ZBTB40: variants seen among roughly 807,000 people sequenced by gnomAD.
ZBTB40 encodes the protein zinc finger and BTB domain containing 40, also known as zinc finger and BTB domain-containing protein 40.
Under a neutral mutation model 117.5 loss-of-function variants are expected in ZBTB40, and 60 were observed. The observed-to-expected ratio is 0.51, with a 90% confidence interval of 0.41 to 0.63. ZBTB40 has a LOEUF of 0.63. ZBTB40 is among the 30% of genes least tolerant of loss of function. The pLI, the probability that ZBTB40 is intolerant of heterozygous loss-of-function variation, is 0.00. For synonymous variants in ZBTB40, 525 were observed against 577.1 expected (o/e 0.91, Z 1.29); for missense variants, 1,287 against 1,498.5 (o/e 0.86, Z 2.33).
intron 1 of ZBTB40, among the ~76,000 whole-genome samples, chr1:22,485,744 T>C (rs1271787232): frequency 6.6e-6 from 1 of 152,210 alleles, no homozygotes; most frequent in Non-Finnish European, 1.5e-5. Context: ...TGTTTTCTTC[T>C]TCTTTTTTTA....
At chr1:22,472,869 T>C (rs1017244235) in intron 1 of ZBTB40, among the ~76,000 whole-genome samples, 1 of 152,138 alleles carries the variant, frequency 6.6e-6, no homozygotes, top group African/African-American at 2.4e-5. Flanking sequence ...CCCTAGAAGA[T>C]AGGCTGCTGG....
intron 15 of ZBTB40, 143 bp from the exon 16 acceptor site, chr1:22,522,234 A>G (rs1233341265): frequency 6.3e-6 from 5 of 792,422 alleles, no homozygotes; most frequent in South Asian, 1.4e-5. Context: ...GTACAAATAT[A>G]CCATAGGTTA....
chr1:22,499,504 A>C lies in ZBTB40; in HGVS notation c.832-1988A>C, dbSNP rs1299561315. On this transcript the variant is annotated intron_variant, in intron 3 of 17. Coordinates refer to ENST00000375647, the MANE Select transcript of ZBTB40 (RefSeq NM_014870.4). ...TTTTAAAGAGATTTCAAGTCAACTA[A>C]CAAAAGCATGAAAAGTTGATTTAAT... 2.0e-5 allele frequency among the ~76,000 whole-genome samples: 3 copies of C among 152,206 alleles called. 1 individual carries two copies. In the South Asian group the frequency reaches 6.2e-4, roughly 32 times the overall value.
At chr1:22,524,059 C>T (rs940684871) in intron 16 of ZBTB40, among the ~76,000 whole-genome samples, 159 bp from the exon 17 acceptor site, 4 of 152,072 alleles carry the variant, frequency 2.6e-5, no homozygotes, top group African/African-American at 9.7e-5. Context: ...TCTTAAGGCC[C>T]CCCAGATTGA....
chr1:22,520,380 C>A, intron 14 of ZBTB40, 105 bp downstream of exon 14: 3 of 896,132 alleles, frequency 3.3e-6, no homozygotes, highest in Non-Finnish European at 5.3e-6. Context: ...TATCTTGTAT[C>A]CAGGATGTGA....
chr1:22,475,289 G>T (rs1036926233), intron 1 of ZBTB40, among the ~76,000 whole-genome samples: 1 of 152,154 alleles, frequency 6.6e-6, no homozygotes, highest in Non-Finnish European at 1.5e-5. Context: ...CTAGTTCAGT[G>T]TGCCTTTCTC....
At chr1:22,497,148 A>G (rs899720655) in intron 3 of ZBTB40, among the ~76,000 whole-genome samples, 1 of 152,204 alleles carries the variant, frequency 6.6e-6, no homozygotes, top group African/African-American at 2.4e-5. Flanking sequence ...AATTGTGTAT[A>G]CAGCAAAGTG....
chr1:22,446,563 A>G (rs182591573), intron 1 of ZBTB40, among the ~76,000 whole-genome samples: 1 of 152,060 alleles, frequency 6.6e-6, no homozygotes, highest in East Asian at 1.9e-4. Context: ...CAAAGACAAG[A>G]ATTACATCTA....
rs1181666984 is a variant in ZBTB40 at position 22,529,643 on chromosome 1, A to G, written c.*3247A>G. 6.6e-6 allele frequency: 1 copy of G among 152,244 alleles called. No individual in the cohort carries two copies. The highest frequency in any genetic ancestry group is 1.9e-4 in the East Asian group (1 of 5,288). 9.4% of individuals were successfully genotyped at this position (152,244 alleles called of 1,614,324 possible). Reference sequence around the variant, plus strand: ...CTTTACTCATTTATTTTATGGGTAAAGAGACATGAAGAGACAGCCTCTCTC... The same window carrying G: ...CTTTACTCATTTATTTTATGGGTAAGGAGACATGAAGAGACAGCCTCTCTC... On this transcript the variant is annotated 3_prime_UTR_variant, in exon 18 of 18. Coordinates refer to ENST00000375647, the MANE Select transcript of ZBTB40 (RefSeq NM_014870.4).
chr1:22,508,429 C>T, intron 7 of ZBTB40, 101 bp from the exon 8 acceptor site: 2 of 1,423,480 alleles, frequency 1.4e-6, no homozygotes, highest in South Asian at 1.2e-5. Context: ...AACTCCTTCC[C>T]CAAACATATT....
At chr1:22,477,648 C>CAAAAAAA (rs773354092) in intron 1 of ZBTB40, among the ~76,000 whole-genome samples, 1 of 66,762 alleles carries the variant, frequency 1.5e-5, no homozygotes. Flanking sequence ...GACTCTGTCT[C>CAAAAAAA]AAAAAAAAAA....
At chr1:22,499,615 G>A (rs1201196001) in intron 3 of ZBTB40, among the ~76,000 whole-genome samples, 1 of 152,084 alleles carries the variant, frequency 6.6e-6, no homozygotes, top group Non-Finnish European at 1.5e-5. Context: ...AGTTTCTTAC[G>A]CTAGTGATAT....
intron 1 of ZBTB40, among the ~76,000 whole-genome samples, chr1:22,469,460 C>T (rs1641346087): frequency 6.6e-6 from 1 of 152,190 alleles, no homozygotes. Context: ...GCTGGGACTA[C>T]AGGTACATGC....
intron 3 of ZBTB40, among the ~76,000 whole-genome samples, chr1:22,499,761 A>G (rs1638875413): frequency 6.6e-6 from 1 of 152,254 alleles, no homozygotes; most frequent in South Asian, 2.1e-4. Context: ...AGCAAAGCCA[A>G]GAAACACAAG....
At chr1:22,478,994 G>A (rs1452325869) in intron 1 of ZBTB40, among the ~76,000 whole-genome samples, 2 of 152,010 alleles carry the variant, frequency 1.3e-5, no homozygotes, top group Non-Finnish European at 2.9e-5. Context: ...TTTTTATCAT[G>A]GTAGATTAGC....
intron 3 of ZBTB40, among the ~76,000 whole-genome samples, chr1:22,496,187 C>T (rs575257840): frequency 2.6e-5 from 4 of 152,286 alleles, no homozygotes; most frequent in East Asian, 1.9e-4. Context: ...GCTGGCATCA[C>T]GTGTCCATTA....
At chr1:22,471,924 T>C (rs1438173646) in intron 1 of ZBTB40, among the ~76,000 whole-genome samples, 1 of 152,202 alleles carries the variant, frequency 6.6e-6, no homozygotes, top group African/African-American at 2.4e-5. Context: ...GCAGCCTTTG[T>C]AGTGTCAAGA....
At position 22,483,057 on chromosome 1, in the gene ZBTB40, C is replaced by T. The variant is rs538114737; in HGVS notation, c.-69-6823C>T. ...TCACGCCACTGCACTCCAGCCCGGG[C>T]GACAGAGCAGGACTCCGTCTCAAAA... On this transcript the variant is annotated intron_variant, in intron 1 of 17. Transcript: ENST00000375647. Among the ~76,000 whole-genome samples the T allele has an allele frequency of 7.5e-5, 11 of 147,022 alleles. No individual in the cohort carries two copies. The South Asian group carries it at 1.5e-3, about 20-fold the overall frequency.
At chr1:22,506,021 G>A (rs1255804980) in intron 5 of ZBTB40, 28 bp from the exon 6 acceptor site, 1 of 1,613,512 alleles carries the variant, frequency 6.2e-7, no homozygotes, top group Non-Finnish European at 8.5e-7. Flanking sequence ...CCAGTAACTG[G>A]TGTCTGGTTG....
Sources: allele counts gnomAD v4.1 joint callset (sites outside exome capture counted in the v4.1 genomes callset), GRCh38; gene constraint gnomAD v4.1.1; transcripts MANE v1.5; gene names NCBI Gene and HGNC (gene_info 2026-07-23, HGNC 2026-07-21).